The following TEKTIP1 variants were observed in gnomAD, a reference collection of about 807,000 sequenced individuals.
The protein encoded by TEKTIP1 is tektin bundle-interacting protein 1.
At chr19:3,541,640 T>G in the TEKTIP1 span, 882 of 985,126 alleles carry the variant, frequency 9.0e-4, 9 homozygotes, top group African/African-American at 0.015. Flanking sequence ...ATTTCTATTT[T>G]TTAAAAAAAT....
chr19:3,540,434 T>C, the TEKTIP1 span, among the ~76,000 whole-genome samples: 5 of 151,746 alleles, frequency 3.3e-5, no homozygotes, highest in Non-Finnish European at 7.4e-5. Flanking sequence ...ATTTTTGTAT[T>C]TTTAGTAGAG....
the TEKTIP1 span, chr19:3,543,898 C>T: frequency 1.3e-6 from 2 of 1,550,924 alleles, no homozygotes; most frequent in Non-Finnish European, 1.7e-6. Flanking sequence ...TCCCTGTCGG[C>T]ACCCCAGCGC....
At chr19:3,542,079 G>A in the TEKTIP1 span, 5 of 975,280 alleles carry the variant, frequency 5.1e-6, no homozygotes, top group Non-Finnish European at 6.1e-6. Context: ...CAAAGTGCTG[G>A]GATTACAGGC....
chr19:3,540,298 G>A, the TEKTIP1 span, among the ~76,000 whole-genome samples: 11 of 150,156 alleles, frequency 7.3e-5, no homozygotes, highest in Admixed American at 2.7e-4. Flanking sequence ...CACTCTTGTC[G>A]CAAGACTGGA....
chr19:3,541,143 T>C, the TEKTIP1 span, among the ~76,000 whole-genome samples: 2 of 124,144 alleles, frequency 1.6e-5, no homozygotes, highest in African/African-American at 6.4e-5. Context: ...CACTCCAGCC[T>C]GGGTGACAGA....
the TEKTIP1 span, chr19:3,541,845 C>T: frequency 1.0e-6 from 1 of 961,168 alleles, no homozygotes; most frequent in South Asian, 4.8e-5. Context: ...GTCTCGCTCT[C>T]TCACCCAGGC....
chr19:3,539,305 C>CTCCCTCCT, the TEKTIP1 span: 5 of 1,238,956 alleles, frequency 4.0e-6, no homozygotes, highest in South Asian at 6.5e-5. Context: ...CCCTCCCTCC[C>CTCCCTCCT]TCCCTCCCTG....
the TEKTIP1 span, chr19:3,539,859 C>T: frequency 6.6e-6 from 1 of 152,614 alleles, no homozygotes; most frequent in Admixed American, 6.5e-5. Context: ...CACCCCGATA[C>T]AGTGTCTATT....
the TEKTIP1 span, chr19:3,539,465 G>A: frequency 1.8e-6 from 1 of 562,038 alleles, no homozygotes. Flanking sequence ...CTGGAGACAG[G>A]CCAAGAACAA....
the TEKTIP1 span, chr19:3,543,654 A>G: frequency 6.5e-7 from 1 of 1,543,078 alleles, no homozygotes; most frequent in Non-Finnish European, 8.7e-7. Context: ...CTGTGGAAAG[A>G]CAGGCCAATC....
the TEKTIP1 span, chr19:3,543,427 C>T: frequency 2.6e-6 from 4 of 1,546,956 alleles, no homozygotes; most frequent in Non-Finnish European, 3.5e-6. Context: ...AGGCCTACAA[C>T]CGCTGGCACA....
chr19:3,541,645 A>G, the TEKTIP1 span: 1 of 984,884 alleles, frequency 1.0e-6, no homozygotes, highest in Admixed American at 6.2e-5. Flanking sequence ...TATTTTTTAA[A>G]AAAATGGAGA....
the TEKTIP1 span, among the ~76,000 whole-genome samples, chr19:3,541,391 C>G: frequency 3.3e-5 from 5 of 151,456 alleles, no homozygotes; most frequent in Non-Finnish European, 7.4e-5. Flanking sequence ...GGAATGATCT[C>G]AGCTCACTGC....
the TEKTIP1 span, chr19:3,542,767 G>A: frequency 7.4e-7 from 1 of 1,360,426 alleles, no homozygotes; most frequent in Admixed American, 2.0e-5. Context: ...ACAAGCGTGA[G>A]CCACACACCT....
chr19:3,540,706 C>T, the TEKTIP1 span, among the ~76,000 whole-genome samples: 4 of 150,488 alleles, frequency 2.7e-5, no homozygotes, highest in African/African-American at 9.8e-5. Context: ...ATGGTGAAAC[C>T]CCGTCTCTAC....
At chr19:3,542,859 CA>C in the TEKTIP1 span, 2 of 1,385,808 alleles carry the variant, frequency 1.4e-6, no homozygotes, top group South Asian at 2.3e-5. Context: ...ACCTCCAGGC[CA>C]GGGGGGCTTC....
the TEKTIP1 span, chr19:3,543,988 C>G: frequency 6.5e-7 from 1 of 1,545,764 alleles, no homozygotes; most frequent in Non-Finnish European, 8.7e-7. Context: ...TCCCCGCCTT[C>G]CCTCACACCC....
At chr19:3,539,439 T>A in the TEKTIP1 span, 1 of 585,126 alleles carries the variant, frequency 1.7e-6, no homozygotes, top group Admixed American at 2.9e-5. Context: ...GGCCGCTCAC[T>A]GTGGGGGCTA....
At chr19:3,543,529 GAC>G in the TEKTIP1 span, 1 of 1,449,814 alleles carries the variant, frequency 6.9e-7, no homozygotes, top group Non-Finnish European at 9.1e-7. Flanking sequence ...GGACAGGAAT[GAC>G]CGCCAGCCCC....
Sources: allele counts gnomAD v4.1 joint callset (sites outside exome capture counted in the v4.1 genomes callset), GRCh38; gene constraint gnomAD v4.1.1; transcripts MANE v1.5; gene names NCBI Gene and HGNC (gene_info 2026-07-23, HGNC 2026-07-21).